Variants in UBASH3B observed in about 807,000 individuals in gnomAD.
UBASH3B encodes ubiquitin-associated and SH3 domain-containing protein B.
In UBASH3B, 37 loss-of-function variants were observed where a neutral mutation model predicts 83.4. The ratio of observed to expected loss-of-function variants is 0.44; its 90% confidence interval spans 0.34 to 0.58. UBASH3B has a LOEUF of 0.58. Among genes scored for constraint, UBASH3B ranks in the 20% least tolerant of loss-of-function variants. The probability of loss-of-function intolerance (pLI) is 0.01; values close to 1 mark genes in which losing one functional copy is unlikely to be tolerated. For synonymous variants in UBASH3B, 304 were observed against 318.3 expected, an observed-to-expected ratio of 0.96 and a Z score of 0.48; for missense variants, 657 against 827.2, an observed-to-expected ratio of 0.79 and a Z score of 2.52.
At chr11:122,760,351 G>GT (rs375379374) in intron 1 of UBASH3B, among the ~76,000 whole-genome samples, 20,385 of 143,384 alleles carry the variant, frequency 0.14, 1,546 homozygotes, top group African/African-American at 0.22. Context: ...AACAGAGAAA[G>GT]TTTTTTTTTT....
At chr11:122,790,162 C>T (rs1861026572) in intron 6 of UBASH3B, among the ~76,000 whole-genome samples, 1 of 152,030 alleles carries the variant, frequency 6.6e-6, no homozygotes, top group Non-Finnish European at 1.5e-5. Flanking sequence ...TGCTTGGTGG[C>T]TAATATTGTT....
chr11:122,690,195 T>TCCA (rs1186511979), intron 1 of UBASH3B, among the ~76,000 whole-genome samples: 808 of 38,348 alleles, frequency 0.021, 18 homozygotes, highest in East Asian at 0.058. Context: ...TATATATATA[T>TCCA]ATATATATAT....
Position 122,813,285 on chromosome 11 carries a change from C to G in UBASH3B, c.*3399C>G, listed in dbSNP as rs1212446098. ...CGTATTAAAATGAAGTCTCTTATTT[C>G]AATTACCTAGTGTTGTTGGGAACTA... On this transcript the variant is annotated 3_prime_UTR_variant, in exon 14 of 14. Coordinates refer to ENST00000284273, the MANE Select transcript of UBASH3B (RefSeq NM_032873.5). The G allele has an allele frequency of 2.0e-5, 3 of 152,156 alleles. No individual in the cohort carries two copies. The highest frequency in any genetic ancestry group is 2.9e-5 in the Non-Finnish European group (2 of 68,030). The allele number at this position is 152,156 out of a possible 1,614,324, so 9.4% of individuals were successfully genotyped here.
intron 7 of UBASH3B, among the ~76,000 whole-genome samples, chr11:122,795,868 G>A (rs1276831810): frequency 1.3e-5 from 2 of 152,180 alleles, no homozygotes; most frequent in African/African-American, 2.4e-5. Flanking sequence ...TAAAGTGGAC[G>A]TCATATTTTA....
At chr11:122,680,502 T>C (rs932545253) in intron 1 of UBASH3B, among the ~76,000 whole-genome samples, 3 of 152,124 alleles carry the variant, frequency 2.0e-5, no homozygotes, top group African/African-American at 4.8e-5. Context: ...TCGCTCTTGT[T>C]GCCCAGGCTG....
chr11:122,746,733 C>T (rs571642268), intron 1 of UBASH3B, among the ~76,000 whole-genome samples: 14 of 152,152 alleles, frequency 9.2e-5, no homozygotes, highest in Non-Finnish European at 2.1e-4. Flanking sequence ...TCATTCTGTA[C>T]TTATTTCATG....
rs1217325954 is a variant in UBASH3B, at chr11:122,810,405, A to C, written c.*519A>C. The C allele has an allele frequency of 6.5e-6, 1 of 153,056 alleles. No individual in the cohort carries two copies. The highest frequency in any genetic ancestry group is 1.5e-5 in the Non-Finnish European group (1 of 68,438). 9.5% of individuals were successfully genotyped at this position (153,056 alleles called of 1,614,324 possible). A position where few individuals can be genotyped will look rare whatever the true frequency, so the allele number is the denominator to read the frequency against. On this transcript the variant is annotated 3_prime_UTR_variant, in exon 14 of 14. Coordinates refer to ENST00000284273, the MANE Select transcript of UBASH3B (RefSeq NM_032873.5). ...CTGAAGAGAGTTGTTCTTAGGTTACACATGAAATCCTACCGTCACTAGCCC... is the reference window on the plus strand; with the variant it reads ...CTGAAGAGAGTTGTTCTTAGGTTACCCATGAAATCCTACCGTCACTAGCCC...
chr11:122,692,595 A>C (rs1863909601), intron 1 of UBASH3B, among the ~76,000 whole-genome samples: 1 of 152,196 alleles, frequency 6.6e-6, no homozygotes, highest in South Asian at 2.1e-4. Context: ...TCTCAGCAGG[A>C]ATGTGGAAGA....
intron 3 of UBASH3B, among the ~76,000 whole-genome samples, chr11:122,777,755 A>T (rs1214552277): frequency 3.3e-5 from 5 of 152,140 alleles, no homozygotes; most frequent in Non-Finnish European, 5.9e-5. Flanking sequence ...TTTGAGACAG[A>T]GTCTCACTCT....
At chr11:122,768,909 C>T (rs1283902225) in intron 1 of UBASH3B, among the ~76,000 whole-genome samples, 4 of 152,188 alleles carry the variant, frequency 2.6e-5, no homozygotes, top group Non-Finnish European at 5.9e-5. Context: ...ACGTCTAAAA[C>T]CAACCCCTGT....
At chr11:122,670,195 GTGTGTATATACAC>G (rs1394978218) in intron 1 of UBASH3B, among the ~76,000 whole-genome samples, 1 of 152,022 alleles carries the variant, frequency 6.6e-6, no homozygotes, top group Non-Finnish European at 1.5e-5. Flanking sequence ...GTGTGTGTGT[GTGTGTATATACAC>G]TGCCCATCTC....
At chr11:122,661,913 T>C (rs200631997) in intron 1 of UBASH3B, among the ~76,000 whole-genome samples, 8 of 145,458 alleles carry the variant, frequency 5.5e-5, no homozygotes, top group East Asian at 2.0e-4. Flanking sequence ...TTTCTTTTTT[T>C]TTTTTTTTTT....
At chr11:122,732,625 A>ACGTATTT (rs906800169) in intron 1 of UBASH3B, among the ~76,000 whole-genome samples, 1 of 152,108 alleles carries the variant, frequency 6.6e-6, no homozygotes, top group African/African-American at 2.4e-5. Context: ...TTGTAGCCCC[A>ACGTATTT]CGTATTTCCT....
chr11:122,767,054 C>T (rs1351007107), intron 1 of UBASH3B, among the ~76,000 whole-genome samples: 2 of 152,012 alleles, frequency 1.3e-5, no homozygotes, highest in Non-Finnish European at 1.5e-5. Flanking sequence ...CCGAGGTGGG[C>T]GGATCACGAG....
chr11:122,672,780 G>C (rs943132559), intron 1 of UBASH3B, among the ~76,000 whole-genome samples: 3 of 152,178 alleles, frequency 2.0e-5, no homozygotes, highest in African/African-American at 7.2e-5. Flanking sequence ...GCACAGCAGA[G>C]CTTCCTGGTT....
intron 1 of UBASH3B, among the ~76,000 whole-genome samples, chr11:122,744,363 G>A (rs1861076380): frequency 6.6e-6 from 1 of 152,170 alleles, no homozygotes; most frequent in African/African-American, 2.4e-5. Flanking sequence ...GCATGTGGGT[G>A]AGCGTGTGAC....
At chr11:122,757,112 G>A (rs532304438) in intron 1 of UBASH3B, among the ~76,000 whole-genome samples, 1 of 152,110 alleles carries the variant, frequency 6.6e-6, no homozygotes, top group Non-Finnish European at 1.5e-5. Flanking sequence ...TTGCCTACAC[G>A]CACATGCACT....
At chr11:122,718,280 G>A (rs1793439697) in intron 1 of UBASH3B, among the ~76,000 whole-genome samples, 1 of 152,184 alleles carries the variant, frequency 6.6e-6, no homozygotes, top group African/African-American at 2.4e-5. Context: ...CTAGTCTAAT[G>A]TTTAAAATAC....
intron 1 of UBASH3B, among the ~76,000 whole-genome samples, chr11:122,725,342 A>AAAAAAAAAAAAAAAAAGAGAG (rs71281633): frequency 9.4e-4 from 123 of 130,758 alleles, no homozygotes; most frequent in Non-Finnish European, 1.6e-3. Flanking sequence ...AAAAAAAAAA[A>AAAAAAAAAAAAAAAAAGAGAG]AAGAAAAGAA....
Sources: gnomAD v4.1 joint callset for allele counts (sites outside exome capture counted in the v4.1 genomes callset) on GRCh38, gnomAD v4.1.1 for gene constraint, MANE v1.5 for transcripts, NCBI Gene and HGNC (gene_info 2026-07-23, HGNC 2026-07-21) for gene names.